Variants in SPIDR observed in about 807,000 individuals in gnomAD.
SPIDR encodes DNA repair-scaffolding protein.
Under a neutral mutation model 104.6 loss-of-function variants are expected in SPIDR, and 93 were observed. The observed-to-expected ratio is 0.89, with a 90% CI of 0.75 to 1.06. The LOEUF (loss-of-function observed/expected upper bound fraction) is 1.06, where lower values mean the gene tolerates loss of function less well. Among genes scored for constraint, SPIDR ranks in the 50% least tolerant of loss-of-function variants. The pLI is 0.00. For synonymous variants in SPIDR, 431 were observed against 416.9 expected (o/e 1.03, Z -0.41); for missense variants, 1,154 against 1,111.2 (o/e 1.04, Z -0.55).
chr8:47,303,821 C>T (rs1214544472), intron 5 of SPIDR, among the ~76,000 whole-genome samples: 16 of 152,132 alleles, frequency 1.1e-4, no homozygotes, highest in South Asian at 2.1e-4. Context: ...GGATTACAGG[C>T]GCCCGTCACC....
intron 8 of SPIDR, among the ~76,000 whole-genome samples, chr8:47,532,495 TCAAA>T (rs2086191585): frequency 1.3e-5 from 2 of 152,198 alleles, no homozygotes; most frequent in African/African-American, 4.8e-5. Context: ...TATATTAATT[TCAAA>T]CAAAGCCAAT....
chr8:47,294,968 G>A (rs367910490), intron 5 of SPIDR, among the ~76,000 whole-genome samples: 29 of 152,020 alleles, frequency 1.9e-4, no homozygotes, highest in Non-Finnish European at 3.5e-4. Flanking sequence ...TTAGTGTTGC[G>A]TCATGTCTCA....
chr8:47,446,743 C>T (rs566485601), intron 8 of SPIDR, among the ~76,000 whole-genome samples: 1 of 151,978 alleles, frequency 6.6e-6, no homozygotes, highest in African/African-American at 2.4e-5. Context: ...TGCGCCACCA[C>T]GCCTGGCTAA....
chr8:47,729,746 G>A, intron 19 of SPIDR: 1 of 448,680 alleles, frequency 2.2e-6, no homozygotes, highest in South Asian at 3.1e-5. Context: ...TTTAGACAGA[G>A]TCTCATTCTC....
chr8:47,350,290 C>A (rs531447383), intron 5 of SPIDR, among the ~76,000 whole-genome samples: 1 of 152,030 alleles, frequency 6.6e-6, no homozygotes, highest in Admixed American at 6.5e-5. Flanking sequence ...TTCCTTGACA[C>A]GTGAAAGATG....
chr8:47,290,115 C>T (rs1171850704), intron 3 of SPIDR, among the ~76,000 whole-genome samples: 1 of 152,106 alleles, frequency 6.6e-6, no homozygotes, highest in African/African-American at 2.4e-5. Flanking sequence ...TCTCAGCTCA[C>T]TGCAACCTCT....
chr8:47,338,919 A>T (rs1289847973), intron 5 of SPIDR, among the ~76,000 whole-genome samples: 2 of 152,150 alleles, frequency 1.3e-5, no homozygotes, highest in Admixed American at 1.3e-4. Context: ...GGCTTAATGT[A>T]GGTGAGAATA....
Position 47,440,336 on chromosome 8 carries a change from T to A in SPIDR, c.891T>A (p.Gly297=). 6.2e-7 allele frequency: 1 copy of A among 1,614,134 alleles called. No homozygotes were observed. Among genetic ancestry groups the A allele is most frequent in the Non-Finnish European group, 8.5e-7 (1 of 1,179,958 alleles). Residue 297 remains glycine (G), a synonymous_variant, in exon 8 of 20, where the codon GGT becomes GGA. Transcript: ENST00000297423. ...TTCAACTTCTAGGTAGAAAATCTGG[T>A]GTATTAACTGTGAAAATTTTAGAGC... ...YQKTLSGRKS[G]VLTVKILELH...
At chr8:47,702,112 C>A in intron 14 of SPIDR, 97 bp downstream of exon 14, 1 of 1,029,360 alleles carries the variant, frequency 9.7e-7, no homozygotes, top group Admixed American at 2.0e-5. Context: ...CACACACACA[C>A]ACACACACAC....
chr8:47,288,960 T>C (rs905909048), intron 3 of SPIDR, among the ~76,000 whole-genome samples: 1 of 152,224 alleles, frequency 6.6e-6, no homozygotes, highest in Non-Finnish European at 1.5e-5. Context: ...GTTTTTTTCA[T>C]GATTAGTGTT....
intron 11 of SPIDR, among the ~76,000 whole-genome samples, chr8:47,687,996 CCTGG>C (rs1340465948): frequency 7.3e-6 from 1 of 137,312 alleles, no homozygotes; most frequent in Non-Finnish European, 1.6e-5. Context: ...CAGATTGAGA[CCTGG>C]CTGTCAAAAA....
intron 5 of SPIDR, among the ~76,000 whole-genome samples, chr8:47,351,363 T>G (rs1451729735): frequency 6.6e-6 from 1 of 152,112 alleles, no homozygotes; most frequent in Admixed American, 6.6e-5. Context: ...AAAAGCAGTG[T>G]GAAGAAGGTA....
chr8:47,565,887 C>T (rs1451012300), intron 8 of SPIDR, among the ~76,000 whole-genome samples: 1 of 139,542 alleles, frequency 7.2e-6, no homozygotes, highest in Non-Finnish European at 1.5e-5. Flanking sequence ...ACAAAGGGGA[C>T]ATTCTACTAT....
At position 47,700,396 on chromosome 8, in the gene SPIDR, G is replaced by A. The variant is rs1176763836; in HGVS notation, c.1686-7G>A. ...ATGATGAATACCTTTGACTTTTCTTGTTCCAGGACAGCGGGGATTTTCAGT... is the reference window on the plus strand; with the variant it reads ...ATGATGAATACCTTTGACTTTTCTTATTCCAGGACAGCGGGGATTTTCAGT... On this transcript the variant is annotated splice_region_variant and splice_polypyrimidine_tract_variant and intron_variant, in intron 11 of 19. Coordinates refer to ENST00000297423, the MANE Select transcript of SPIDR (RefSeq NM_001080394.4). The A allele has an allele frequency of 6.2e-7, 1 of 1,614,166 alleles. No individual in the cohort carries two copies. The highest frequency in any genetic ancestry group is 1.3e-5 in the African/African-American group (1 of 75,044).
At chr8:47,682,560 A>G (rs988150383) in intron 11 of SPIDR, among the ~76,000 whole-genome samples, 1 of 152,234 alleles carries the variant, frequency 6.6e-6, no homozygotes, top group Non-Finnish European at 1.5e-5. Flanking sequence ...TCTTAGTATA[A>G]TTTTATGTTA....
chr8:47,476,139 C>G (rs1381993248), intron 8 of SPIDR, among the ~76,000 whole-genome samples: 2 of 152,152 alleles, frequency 1.3e-5, no homozygotes, highest in Non-Finnish European at 2.9e-5. Context: ...CATTGTGTTA[C>G]AGTGTCGAAG....
At chr8:47,460,149 C>T (rs1554712519) in intron 8 of SPIDR, among the ~76,000 whole-genome samples, 1 of 152,038 alleles carries the variant, frequency 6.6e-6, no homozygotes, top group African/African-American at 2.4e-5. Flanking sequence ...ATGTTAAGTC[C>T]ATTTGTTCCA....
chr8:47,482,729 A>G (rs1554728029), intron 8 of SPIDR, among the ~76,000 whole-genome samples: 1 of 152,186 alleles, frequency 6.6e-6, no homozygotes, highest in Non-Finnish European at 1.5e-5. Flanking sequence ...TTGGCAAGAT[A>G]TGAGGGAGGA....
At position 47,380,025 on chromosome 8, in the gene SPIDR, T is replaced by TTGA. The variant is rs1240144394; in HGVS notation, c.526-16350_526-16348dup. Among the ~76,000 whole-genome samples the TTGA allele has an allele frequency of 2.0e-5, 3 of 152,242 alleles. No individual in the cohort carries two copies. The East Asian group carries it at 5.8e-4, about 29-fold the overall frequency. On this transcript the variant is annotated intron_variant, in intron 5 of 19. Coordinates refer to ENST00000297423, the MANE Select transcript of SPIDR (RefSeq NM_001080394.4). ...TTGTGTAGCATTTTAATTCTTTGCC[T>TTGA]TGAATAAAAATAAAGCTTGGCTCAT...
Sources: allele counts gnomAD v4.1 joint callset (sites outside exome capture counted in the v4.1 genomes callset), GRCh38; gene constraint gnomAD v4.1.1; transcripts MANE v1.5; gene names NCBI Gene and HGNC (gene_info 2026-07-23, HGNC 2026-07-21).